RBL2: variants seen among roughly 807,000 people sequenced by gnomAD.
The protein encoded by RBL2 is retinoblastoma-like protein 2.
RBL2 carries 56 observed loss-of-function variants against 126.0 expected under a neutral mutation model. The observed-to-expected ratio is 0.44, with a 90% CI of 0.36 to 0.56. The LOEUF (loss-of-function observed/expected upper bound fraction) is 0.56, where lower values mean the gene tolerates loss of function less well. Among genes scored for constraint, RBL2 ranks in the 20% least tolerant of loss-of-function variants. RBL2 has a pLI of 0.00. For synonymous variants in RBL2, 454 were observed against 478.5 expected (o/e 0.95, Z 0.67); for missense variants, 1,229 against 1,398.2 (o/e 0.88, Z 1.93).
At chr16:53,481,046 C>T (rs1960925881) in intron 20 of RBL2, 1 of 264,050 alleles carries the variant, frequency 3.8e-6, no homozygotes, top group Non-Finnish European at 7.3e-6. Flanking sequence ...GTAATCCCAG[C>T]TACTCTGGGG....
At chr16:53,479,751 T>C in intron 18 of RBL2, 135 bp from the exon 19 acceptor site, 1 of 609,054 alleles carries the variant, frequency 1.6e-6, no homozygotes, top group Non-Finnish European at 2.9e-6. Context: ...TGAGTTATGT[T>C]TCTCAACCTG....
Position 53,459,973 on chromosome 16 carries a change from G to T in RBL2, c.1346+356G>T, listed in dbSNP as rs182078467. ...AATTGTCAAAGGACTTTATGAAGAG[G>T]GTTGAACCTGAGGTAAGTTCTGAAG... On this transcript the variant is annotated intron_variant, in intron 9 of 21. Coordinates refer to ENST00000262133, the MANE Select transcript of RBL2 (RefSeq NM_005611.4). Among the ~76,000 whole-genome samples the T allele has an allele frequency of 3.3e-3, 496 of 152,126 alleles. 4 individuals are homozygous for T. Among genetic ancestry groups the T allele is most frequent in the Middle Eastern group, 0.017 (5 of 294 alleles).
intron 12 of RBL2, 184 bp downstream of exon 12, chr16:53,464,547 T>C (rs2058253394): frequency 2.1e-6 from 1 of 481,842 alleles, no homozygotes. Context: ...TTTAATATTG[T>C]ATGAAAGATC....
intron 3 of RBL2, chr16:53,445,669 A>G (rs1369897547): frequency 1.3e-5 from 2 of 152,344 alleles, no homozygotes; most frequent in Admixed American, 6.5e-5. Context: ...CTCACACACT[A>G]TCTGAAAATG....
intron 21 of RBL2, among the ~76,000 whole-genome samples, chr16:53,486,785 A>C (rs996069506): frequency 5.9e-5 from 9 of 152,200 alleles, no homozygotes; most frequent in Admixed American, 2.0e-4. Flanking sequence ...GCAATAAGAC[A>C]AGAAAAGCCA....
chr16:53,490,763 T>C lies in RBL2; in HGVS notation c.*463T>C, dbSNP rs1961392165. The C allele has an allele frequency of 1.3e-5, 2 of 152,440 alleles. No individual in the cohort carries two copies. The highest frequency in any genetic ancestry group is 6.6e-5 in the Admixed American group (1 of 15,242). The allele number at this position is 152,440 out of a possible 1,614,324, so 9.4% of individuals were successfully genotyped here. ...ACACCTGGTAGGAGTGTGTGATTTT[T>C]TGCATTCCTGACAAAGGAGAGCACA... On this transcript the variant is annotated 3_prime_UTR_variant, in exon 22 of 22. Transcript: ENST00000262133.
intron 3 of RBL2, among the ~76,000 whole-genome samples, chr16:53,444,255 T>A (rs1567727052): frequency 2.0e-5 from 3 of 149,604 alleles, no homozygotes; most frequent in Admixed American, 6.7e-5. Context: ...CATAAATAAA[T>A]AAGTAAACAA....
intron 10 of RBL2, 76 bp downstream of exon 10, chr16:53,461,926 AG>A: frequency 7.7e-7 from 1 of 1,300,726 alleles, no homozygotes; most frequent in Non-Finnish European, 1.1e-6. Flanking sequence ...TAACTAAGAA[AG>A]ATGAGGAAAA....
At chr16:53,451,303 C>G (rs1642407152) in intron 4 of RBL2, among the ~76,000 whole-genome samples, 1 of 151,944 alleles carries the variant, frequency 6.6e-6, no homozygotes, top group Non-Finnish European at 1.5e-5. Flanking sequence ...TCCAGGAGTT[C>G]AAGACCAGCC....
At position 53,451,851 on chromosome 16, in the gene RBL2, AT is replaced by A. The variant is rs760773957; in HGVS notation, c.766+25del. 2 of 1,611,970 alleles carry A rather than the reference AT, an allele frequency of 1.2e-6. No homozygotes were observed. The highest frequency in any genetic ancestry group is 3.3e-5 in the Admixed American group (2 of 59,990). ...TTAAAGGTAGGTTTGTAAATCAAAG[AT>A]TTTTGGGCAATCTGCGTTTCTGTGT... On this transcript the variant is annotated intron_variant, in intron 5 of 21. Coordinates refer to ENST00000262133, the MANE Select transcript of RBL2 (RefSeq NM_005611.4).
At chr16:53,473,587 C>T (rs1960604038) in intron 17 of RBL2, among the ~76,000 whole-genome samples, 3 of 151,630 alleles carry the variant, frequency 2.0e-5, no homozygotes, top group African/African-American at 7.3e-5. Flanking sequence ...TGTAGGAAAT[C>T]ATGTAATCTG....
intron 17 of RBL2, among the ~76,000 whole-genome samples, chr16:53,477,607 A>C (rs1245700277): frequency 3.3e-5 from 5 of 152,042 alleles, no homozygotes; most frequent in Non-Finnish European, 7.4e-5. Context: ...CAGCCTCACA[A>C]AATGTTGGGA....
chr16:53,457,608 G>A, intron 8 of RBL2, among the ~76,000 whole-genome samples: 1 of 152,138 alleles, frequency 6.6e-6, no homozygotes, highest in East Asian at 1.9e-4. Flanking sequence ...TTAGAGGTAT[G>A]AATTGAGAGA....
intron 20 of RBL2, 55 bp from the exon 21 acceptor site, chr16:53,481,616 T>G: frequency 1.4e-6 from 2 of 1,399,464 alleles, no homozygotes; most frequent in African/African-American, 2.9e-5. Flanking sequence ...TCATTTTCAG[T>G]AAAAATAATT....
rs1301554538 is a variant in RBL2, at chr16:53,490,306, G to A, written c.*6G>A. The A allele has an allele frequency of 1.3e-6, 2 of 1,593,304 alleles. No individual in the cohort carries two copies. The highest frequency in any genetic ancestry group is 4.5e-5 in the East Asian group (2 of 44,472). ...ATGACCGTGGTTCCCACTGAGGTTA[G>A]TCTCTTGTATTAAACTCTTCACAAA... On this transcript the variant is annotated 3_prime_UTR_variant, in exon 22 of 22. Transcript: ENST00000262133.
chr16:53,481,685 A>G lies in RBL2; in HGVS notation c.3099A>G (p.Pro1033=), dbSNP rs753323299. 20 of 1,610,246 alleles carry G rather than the reference A, an allele frequency of 1.2e-5. No homozygotes were observed. The highest frequency in any genetic ancestry group is 1.7e-5 in the Non-Finnish European group (20 of 1,178,080). The change falls in exon 21 of 22, where the codon CCA becomes CCG. Residue 1033 remains proline (P), a synonymous_variant. Coordinates refer to ENST00000262133, the MANE Select transcript of RBL2 (RefSeq NM_005611.4). ...TTTTTAAACAGATGGATGCTCCTCC[A>G]CTCTCTCCCTATCCATTTGTAAGAA... ...KYSQANMDAP[P]LSPYPFVRTG...
chr16:53,465,388 T>G (rs756733257), intron 12 of RBL2, 50 bp from the exon 13 acceptor site: 1 of 1,223,598 alleles, frequency 8.2e-7, no homozygotes, highest in East Asian at 3.1e-5. Context: ...GTCTAAATAT[T>G]TAAAAATATT....
intron 11 of RBL2, among the ~76,000 whole-genome samples, chr16:53,462,880 G>A (rs572147193): frequency 1.3e-5 from 2 of 152,204 alleles, no homozygotes; most frequent in South Asian, 2.1e-4. Context: ...TTGCGCTGTC[G>A]CCAAGGCTGG....
chr16:53,482,823 A>C (rs1462212687), intron 21 of RBL2, among the ~76,000 whole-genome samples: 3 of 151,944 alleles, frequency 2.0e-5, no homozygotes, highest in Non-Finnish European at 2.9e-5. Context: ...AAAAAAAAAA[A>C]AAAAAACGGT....
Sources: gnomAD v4.1 joint callset for allele counts (sites outside exome capture counted in the v4.1 genomes callset) on GRCh38, gnomAD v4.1.1 for gene constraint, MANE v1.5 for transcripts, NCBI Gene and HGNC (gene_info 2026-07-23, HGNC 2026-07-21) for gene names.